UBOX5: variants seen among roughly 807,000 people sequenced by gnomAD.
The protein encoded by UBOX5 is RING finger protein 37.
In UBOX5, 28 loss-of-function variants were observed where a neutral mutation model predicts 39.0. That is an observed-to-expected ratio of 0.72 (90% CI 0.53 to 0.98). The LOEUF (loss-of-function observed/expected upper bound fraction) is 0.98, where lower values mean the gene tolerates loss of function less well. Among genes scored for constraint, UBOX5 ranks in the 50% least tolerant of loss-of-function variants. The probability of loss-of-function intolerance (pLI) is 0.00; values close to 1 mark genes in which losing one functional copy is unlikely to be tolerated. For synonymous variants in UBOX5, 283 were observed against 275.5 expected (o/e 1.03, Z -0.27); for missense variants, 585 against 674.4 (o/e 0.87, Z 1.47).
rs1361956808 is a variant in UBOX5 at position 3,108,725 on chromosome 20, G to A, written c.*1381C>T. 6.6e-6 allele frequency: 1 copy of A among 152,074 alleles called. No homozygotes were observed. Among genetic ancestry groups the A allele is most frequent in the Admixed American group, 6.6e-5 (1 of 15,262 alleles). 9.4% of individuals were successfully genotyped at this position (152,074 alleles called of 1,614,324 possible). On this transcript the variant is annotated 3_prime_UTR_variant, in exon 5 of 5. Transcript: ENST00000217173. ...CTTTGGGAGGATCGCTTGAGCCCAG[G>A]AGTTTGAGACCAGTCTGGACAACAT...
rs1209945625 is a variant in UBOX5, at chr20:3,122,468, A to G, written c.171T>C (p.Phe57=). The G allele has an allele frequency of 1.2e-6, 2 of 1,614,100 alleles. No homozygotes were observed. Among genetic ancestry groups the G allele is most frequent in the African/African-American group, 2.7e-5 (2 of 74,928 alleles). Residue 57 remains phenylalanine (F), a synonymous_variant, in exon 3 of 5, where the codon TTT becomes TTC. Transcript: ENST00000217173. ...IKPPVYVTVS[F]PFNVEICRIN... Reference sequence around the variant, plus strand: ...TCCTACAGATTTCCACATTAAAGGGAAATGAAACTGTCACATAGACTGGTG... The same window carrying G: ...TCCTACAGATTTCCACATTAAAGGGGAATGAAACTGTCACATAGACTGGTG...
chr20:3,124,391 C>T (rs1453008602), intron 1 of UBOX5, among the ~76,000 whole-genome samples: 1 of 152,196 alleles, frequency 6.6e-6, no homozygotes, highest in African/African-American at 2.4e-5. Context: ...TCCCGAGGTG[C>T]TGGGATTGCA....
At chr20:3,139,448 G>A (rs536642238) in intron 1 of UBOX5, among the ~76,000 whole-genome samples, 1 of 152,250 alleles carries the variant, frequency 6.6e-6, no homozygotes, top group South Asian at 2.1e-4. Flanking sequence ...GGAGTGCAAT[G>A]GCGCGATCTC....
At chr20:3,148,783 G>A (rs200117497) in intron 1 of UBOX5, 2 of 1,614,080 alleles carry the variant, frequency 1.2e-6, no homozygotes, top group East Asian at 2.2e-5. Flanking sequence ...CTGTGGCCCT[G>A]GGTGAGCCCA....
chr20:3,128,993 T>A (rs1347961875), intron 1 of UBOX5, among the ~76,000 whole-genome samples: 1 of 152,092 alleles, frequency 6.6e-6, no homozygotes, highest in Non-Finnish European at 1.5e-5. Flanking sequence ...TTAAGGAAAA[T>A]CTTGGTATAC....
chr20:3,147,138 T>C, intron 1 of UBOX5: 1 of 1,613,862 alleles, frequency 6.2e-7, no homozygotes. Context: ...GACTCAGTTT[T>C]GCCCTGGAAA....
chr20:3,123,974 G>A (rs750546977), intron 1 of UBOX5, among the ~76,000 whole-genome samples: 5 of 152,028 alleles, frequency 3.3e-5, no homozygotes, highest in Non-Finnish European at 5.9e-5. Flanking sequence ...GACTGCTTGA[G>A]CCCAGAAGTT....
At chr20:3,126,350 A>T (rs1248902103) in intron 1 of UBOX5, among the ~76,000 whole-genome samples, 3 of 152,046 alleles carry the variant, frequency 2.0e-5, no homozygotes, top group Admixed American at 2.0e-4. Flanking sequence ...AATCTCAAGT[A>T]CCCAGGGACA....
chr20:3,113,774 G>A (rs1320105784), intron 4 of UBOX5, among the ~76,000 whole-genome samples: 1 of 152,184 alleles, frequency 6.6e-6, no homozygotes, highest in East Asian at 1.9e-4. Flanking sequence ...GGATGATGGG[G>A]GCAGTGAGGG....
chr20:3,155,066 A>AG (rs1568484394), intron 1 of UBOX5, among the ~76,000 whole-genome samples: 28 of 148,126 alleles, frequency 1.9e-4, no homozygotes, highest in East Asian at 1.2e-3. Flanking sequence ...AAAAAAAAAA[A>AG]AAAAAAGAAA....
intron 1 of UBOX5, among the ~76,000 whole-genome samples, chr20:3,141,405 T>C (rs1267832829): frequency 6.6e-6 from 1 of 151,916 alleles, no homozygotes; most frequent in Non-Finnish European, 1.5e-5. Flanking sequence ...CCCAACACTT[T>C]GGGAGGCCGA....
At chr20:3,115,912 C>T (rs890093571) in intron 3 of UBOX5, among the ~76,000 whole-genome samples, 4 of 151,992 alleles carry the variant, frequency 2.6e-5, no homozygotes, top group East Asian at 1.9e-4. Context: ...TACAGGTGTG[C>T]GCCACCACGC....
chr20:3,121,359 C>A, intron 3 of UBOX5, 25 bp downstream of exon 3: 1 of 1,585,064 alleles, frequency 6.3e-7, no homozygotes, highest in Non-Finnish European at 8.6e-7. Context: ...ATGAGCCTGG[C>A]TGCGGACACA....
chr20:3,125,330 C>T (rs900468814), intron 1 of UBOX5, among the ~76,000 whole-genome samples: 17 of 145,314 alleles, frequency 1.2e-4, no homozygotes, highest in Non-Finnish European at 2.1e-4. Flanking sequence ...AGGAGCGCCT[C>T]TGCCCGGCTG....
At chr20:3,115,509 C>A in intron 3 of UBOX5, 43 bp from the exon 4 acceptor site, 1 of 1,560,994 alleles carries the variant, frequency 6.4e-7, no homozygotes, top group East Asian at 2.3e-5. Flanking sequence ...AGACAGGCTC[C>A]GCAAAAGAGA....
intron 3 of UBOX5, among the ~76,000 whole-genome samples, chr20:3,121,063 C>G (rs528752456): frequency 1.3e-5 from 2 of 152,290 alleles, no homozygotes; most frequent in East Asian, 3.9e-4. Context: ...AAAGTGTTGA[C>G]CAGGCCAGGG....
chr20:3,142,990 T>G (rs1226004865), intron 1 of UBOX5, among the ~76,000 whole-genome samples: 1 of 150,004 alleles, frequency 6.7e-6, no homozygotes, highest in Non-Finnish European at 1.5e-5. Context: ...TATTCACAGA[T>G]GAAAAGAGCC....
rs549717115 is a variant in UBOX5 at position 3,153,117 on chromosome 20, T to C, written c.-42+6649A>G. 5.9e-5 allele frequency among the ~76,000 whole-genome samples: 9 copies of C among 152,308 alleles called. No homozygotes were observed. The South Asian group carries it at 1.9e-3, about 32-fold the overall frequency. On this transcript the variant is annotated intron_variant, in intron 1 of 4. Coordinates refer to ENST00000217173, the MANE Select transcript of UBOX5 (RefSeq NM_014948.4). ...ACATAAACAAGAATTAACAAATATC[T>C]CTATAAATGATATTAATTTTAAAAC...
intron 3 of UBOX5, among the ~76,000 whole-genome samples, chr20:3,117,287 GC>G (rs2066300698): frequency 1.4e-5 from 2 of 147,414 alleles, no homozygotes; most frequent in Non-Finnish European, 3.0e-5. Context: ...ACCAAAGATG[GC>G]ACACACACAC....
Sources: gnomAD v4.1 joint callset for allele counts (sites outside exome capture counted in the v4.1 genomes callset) on GRCh38, gnomAD v4.1.1 for gene constraint, MANE v1.5 for transcripts, NCBI Gene and HGNC (gene_info 2026-07-23, HGNC 2026-07-21) for gene names.